PDE12: variants seen among roughly 807,000 people sequenced by gnomAD.
The protein encoded by PDE12 is phosphodiesterase 12.
Under a neutral mutation model 45.4 loss-of-function variants are expected in PDE12, and 26 were observed. That is an observed-to-expected ratio of 0.57 (90% CI 0.42 to 0.79). The LOEUF (loss-of-function observed/expected upper bound fraction) is 0.79, where lower values mean the gene tolerates loss of function less well. PDE12 is among the 30% of genes least tolerant of loss of function. PDE12 has a pLI of 0.00. For missense variants in PDE12, 668 were observed against 790.0 expected (o/e 0.85, Z 1.85); for synonymous variants, 283 against 323.9 (o/e 0.87, Z 1.36).
the PDE12 span, among the ~76,000 whole-genome samples, chr3:57,612,071 G>A: frequency 2.0e-5 from 3 of 152,102 alleles, no homozygotes; most frequent in Admixed American, 6.6e-5. Flanking sequence ...ATAAAAAAGG[G>A]TGAGTTCACG....
At chr3:57,582,263 G>A in the PDE12 span, among the ~76,000 whole-genome samples, 1 of 149,162 alleles carries the variant, frequency 6.7e-6, no homozygotes, top group African/African-American at 2.5e-5. Flanking sequence ...TTTTTTTTGA[G>A]ACAGAGTCTC....
the PDE12 span, chr3:57,572,170 C>A: frequency 6.6e-7 from 1 of 1,522,666 alleles, no homozygotes; most frequent in African/African-American, 1.4e-5. Flanking sequence ...AAGCCTAGAC[C>A]AATTTTATCA....
chr3:57,606,688 G>A, the PDE12 span, among the ~76,000 whole-genome samples: 179 of 152,046 alleles, frequency 1.2e-3, 1 homozygote, highest in Non-Finnish European at 1.8e-3. Flanking sequence ...AAGACTGGAA[G>A]AAAAAAATGG....
the PDE12 span, among the ~76,000 whole-genome samples, chr3:57,620,448 T>C: frequency 6.6e-6 from 1 of 152,020 alleles, no homozygotes; most frequent in Non-Finnish European, 1.5e-5. Flanking sequence ...CTCTTACCAA[T>C]GCTATTCAAC....
At chr3:57,601,743 C>CT in the PDE12 span, among the ~76,000 whole-genome samples, 597 of 103,726 alleles carry the variant, frequency 5.8e-3, 10 homozygotes, top group East Asian at 0.034. Flanking sequence ...TTCTTTCCTT[C>CT]TTTTTTTTTT....
chr3:57,585,974 A>G, the PDE12 span, among the ~76,000 whole-genome samples: 77 of 152,190 alleles, frequency 5.1e-4, no homozygotes, highest in African/African-American at 1.8e-3. Flanking sequence ...AATTCTTAAA[A>G]TGATTCAGTT....
chr3:57,641,800 T>G, the PDE12 span: 1 of 1,390,640 alleles, frequency 7.2e-7, no homozygotes, highest in Non-Finnish European at 1.0e-6. Context: ...AGATGAATGC[T>G]AAATCAGTGA....
At chr3:57,573,156 C>A in the PDE12 span, among the ~76,000 whole-genome samples, 1 of 147,546 alleles carries the variant, frequency 6.8e-6, no homozygotes, top group African/African-American at 2.5e-5. Flanking sequence ...GAGCCGAGAT[C>A]GTGCCACAGC....
chr3:57,595,745 T>C, the PDE12 span, among the ~76,000 whole-genome samples: 3 of 152,002 alleles, frequency 2.0e-5, no homozygotes, highest in Admixed American at 6.6e-5. Flanking sequence ...GGTGAGGAGT[T>C]CGAGACCAGA....
chr3:57,575,781 C>T, the PDE12 span: 2 of 1,218,574 alleles, frequency 1.6e-6, no homozygotes, highest in Non-Finnish European at 1.1e-6. Flanking sequence ...TAAACATTAA[C>T]CTAATTTCTC....
At chr3:57,602,673 C>T in the PDE12 span, among the ~76,000 whole-genome samples, 4 of 152,082 alleles carry the variant, frequency 2.6e-5, no homozygotes, top group East Asian at 3.9e-4. Context: ...TGGGTTCAAG[C>T]GATTCTCCTG....
the PDE12 span, among the ~76,000 whole-genome samples, chr3:57,610,713 C>T: frequency 6.6e-6 from 1 of 152,062 alleles, no homozygotes; most frequent in Non-Finnish European, 1.5e-5. Context: ...GAACTACAAA[C>T]CACTGCTCGA....
chr3:57,643,922 G>T, the PDE12 span, among the ~76,000 whole-genome samples: 2 of 151,858 alleles, frequency 1.3e-5, no homozygotes, highest in Admixed American at 6.6e-5. Flanking sequence ...AAGCCAAGGT[G>T]GGCAGATCAC....
chr3:57,590,552 G>A, the PDE12 span, among the ~76,000 whole-genome samples: 1 of 152,160 alleles, frequency 6.6e-6, no homozygotes, highest in Non-Finnish European at 1.5e-5. Flanking sequence ...GCAGAAAGGA[G>A]TAAGACTGGA....
chr3:57,652,100 T>G, the PDE12 span, among the ~76,000 whole-genome samples: 1 of 152,058 alleles, frequency 6.6e-6, no homozygotes, highest in Admixed American at 6.6e-5. Context: ...TCTTTGACAG[T>G]CCTTTCAAAA....
At chr3:57,641,111 T>C in the PDE12 span, among the ~76,000 whole-genome samples, 2 of 149,244 alleles carry the variant, frequency 1.3e-5, no homozygotes, top group African/African-American at 2.4e-5. Flanking sequence ...AGTTCTGTTT[T>C]ATTGGGCTTC....
the PDE12 span, among the ~76,000 whole-genome samples, chr3:57,606,473 A>T: frequency 1.3e-5 from 2 of 152,206 alleles, no homozygotes; most frequent in Admixed American, 1.3e-4. Context: ...TACTACCAGA[A>T]ATGTTAAAGG....
the PDE12 span, among the ~76,000 whole-genome samples, chr3:57,587,552 T>C: frequency 6.6e-6 from 1 of 152,098 alleles, no homozygotes; most frequent in Non-Finnish European, 1.5e-5. Context: ...CATGTATTAC[T>C]TTTATGAAAA....
chr3:57,624,977 G>A, the PDE12 span, among the ~76,000 whole-genome samples: 2 of 152,012 alleles, frequency 1.3e-5, no homozygotes, highest in Admixed American at 6.6e-5. Context: ...ATGGCTCACT[G>A]CAGCCTCAAT....
Sources: allele counts gnomAD v4.1 joint callset (sites outside exome capture counted in the v4.1 genomes callset), GRCh38; gene constraint gnomAD v4.1.1; transcripts MANE v1.5; gene names NCBI Gene and HGNC (gene_info 2026-07-23, HGNC 2026-07-21).